AMZ2: variants seen among roughly 807,000 people sequenced by gnomAD.
AMZ2 encodes archaemetzincin-2.
Under a neutral mutation model 36.7 loss-of-function variants are expected in AMZ2, and 26 were observed. The ratio of observed to expected loss-of-function variants is 0.71; its 90% CI spans 0.52 to 0.98. The LOEUF (loss-of-function observed/expected upper bound fraction) is 0.98, where lower values mean the gene tolerates loss of function less well. Ranked by LOEUF, AMZ2 falls within the 50% of genes least tolerant of loss-of-function variation. AMZ2 has a pLI of 0.00. For synonymous variants in AMZ2, 144 were observed against 149.1 expected (o/e 0.97, Z 0.25); for missense variants, 394 against 430.5 (o/e 0.92, Z 0.75).
At chr17:68,221,462 G>A (rs1371296313) in intron 1 of AMZ2, among the ~76,000 whole-genome samples, 11 of 152,136 alleles carry the variant, frequency 7.2e-5, no homozygotes, top group Non-Finnish European at 1.5e-4. Context: ...GGGCACGGTG[G>A]CTCACGCCTG....
intron 1 of AMZ2, among the ~76,000 whole-genome samples, chr17:68,224,015 G>A (rs1257262393): frequency 2.4e-4 from 36 of 151,776 alleles, no homozygotes; most frequent in African/African-American, 6.5e-4. Flanking sequence ...TCAGCCTCCC[G>A]AGTAGCTGGG....
intron 1 of AMZ2, among the ~76,000 whole-genome samples, chr17:68,225,347 C>A (rs549504081): frequency 1.3e-5 from 2 of 152,036 alleles, no homozygotes; most frequent in Non-Finnish European, 2.9e-5. Context: ...AGAAGTTCAG[C>A]CTTATATTAA....
upstream of AMZ2, among the ~76,000 whole-genome samples, chr17:68,243,890 G>A (rs1479614411): frequency 2.0e-5 from 3 of 152,200 alleles, no homozygotes; most frequent in Non-Finnish European, 4.4e-5. Flanking sequence ...ACAGTGAAGG[G>A]CAGAATTGGG....
At position 68,256,947 on chromosome 17, in the gene AMZ2, G is replaced by A. The variant is rs782060328; in HGVS notation, c.1061G>A (p.Cys354Tyr). 6.2e-7 allele frequency: 1 copy of A among 1,613,620 alleles called. No homozygotes were observed. Among genetic ancestry groups the A allele is most frequent in the Non-Finnish European group, 8.5e-7 (1 of 1,179,926 alleles). ...FKEWKEWIIK[C>Y]LAVLQK Reference sequence around the variant, plus strand: ...GAATGGAAAGAGTGGATAATAAAATGCCTGGCTGTTCTCCAAAAATGAGGA... The same window carrying A: ...GAATGGAAAGAGTGGATAATAAAATACCTGGCTGTTCTCCAAAAATGAGGA... Residue 354 changes from cysteine to tyrosine, a missense_variant, in exon 7 of 7, where the codon TGC (cysteine) becomes TAC (tyrosine). Cys to Tyr is a radical substitution (Grantham distance 194, BLOSUM62 -2). Coordinates refer to ENST00000359904, the MANE Select transcript of AMZ2 (RefSeq NM_016627.5).
chr17:68,223,695 A>G (rs1247504503), intron 1 of AMZ2, among the ~76,000 whole-genome samples: 1 of 149,804 alleles, frequency 6.7e-6, no homozygotes, highest in Non-Finnish European at 1.5e-5. Flanking sequence ...GCCTGCCACC[A>G]TGCCTGGCTA....
At chr17:68,231,389 A>G (rs2073660175) in intron 1 of AMZ2, among the ~76,000 whole-genome samples, 1 of 150,682 alleles carries the variant, frequency 6.6e-6, no homozygotes, top group Admixed American at 6.6e-5. Context: ...TTGACCAGAC[A>G]TCACTCTCTG....
intron 1 of AMZ2, among the ~76,000 whole-genome samples, chr17:68,216,128 A>G (rs1255436511): frequency 3.9e-5 from 6 of 152,064 alleles, no homozygotes; most frequent in African/African-American, 9.7e-5. Context: ...TTTAAATTTT[A>G]TTTTACTTTT....
intron 6 of AMZ2, 45 bp from the exon 7 acceptor site, chr17:68,256,769 T>G (rs1333320664): frequency 1.3e-6 from 2 of 1,590,482 alleles, no homozygotes; most frequent in African/African-American, 2.7e-5. Context: ...CCTGATGGTA[T>G]TTTGCTGTGG....
chr17:68,245,974 T>C (rs1208234350), upstream of AMZ2, among the ~76,000 whole-genome samples: 1 of 152,028 alleles, frequency 6.6e-6, no homozygotes, highest in African/African-American at 2.4e-5. Flanking sequence ...ACAGGCACAG[T>C]ATCCAAAGGA....
intron 1 of AMZ2, among the ~76,000 whole-genome samples, chr17:68,216,655 T>C (rs186630086): frequency 1.7e-3 from 266 of 152,364 alleles, no homozygotes; most frequent in African/African-American, 6.0e-3. Flanking sequence ...CAACTTGCAT[T>C]GTTTTAGCTG....
chr17:68,232,029 GA>G (rs782229431), intron 1 of AMZ2, among the ~76,000 whole-genome samples: 2 of 130,566 alleles, frequency 1.5e-5, no homozygotes, highest in African/African-American at 2.9e-5. Context: ...TGGATTAGAA[GA>G]AATATAAAGT....
At chr17:68,245,374 A>G (rs1197993518), upstream of AMZ2, among the ~76,000 whole-genome samples, 33 of 150,328 alleles carry the variant, frequency 2.2e-4, no homozygotes. Flanking sequence ...AGTAGCTGAG[A>G]CTACAGGCAT....
rs1555741559 is a variant in AMZ2, at chr17:68,254,428, G to A, written c.611G>A (p.Arg204Lys). The change falls in exon 5 of 7, where the codon AGG becomes AAG. Residue 204 changes from arginine (R) to lysine (K), a missense_variant. Transcript: ENST00000359904. ...TDGVGIFSFA[R>K]YGSDFYSMHY... ...GGTGTGGGGATATTCAGCTTTGCCAGGTATGGCAGTGATTTTTATAGCATG... is the reference window on the plus strand; with the variant it reads ...GGTGTGGGGATATTCAGCTTTGCCAAGTATGGCAGTGATTTTTATAGCATG... 6.2e-7 allele frequency: 1 copy of A among 1,612,698 alleles called. No homozygotes were observed. Among genetic ancestry groups the A allele is most frequent in the African/African-American group, 1.3e-5 (1 of 74,862 alleles).
At chr17:68,242,139 G>A (rs1555734152) in intron 1 of AMZ2, among the ~76,000 whole-genome samples, 1 of 152,110 alleles carries the variant, frequency 6.6e-6, no homozygotes, top group African/African-American at 2.4e-5. Flanking sequence ...GTATGTTGGT[G>A]TAAGTAAAAT....
chr17:68,229,289 C>T (rs1226809778), intron 1 of AMZ2, among the ~76,000 whole-genome samples: 4 of 152,134 alleles, frequency 2.6e-5, no homozygotes, highest in African/African-American at 9.7e-5. Flanking sequence ...ACAGCCGTGG[C>T]TGAACAGACA....
rs188902034 is a variant in AMZ2 at position 68,224,046 on chromosome 17, C to T, written c.-67+17808C>T. Among the ~76,000 whole-genome samples, 9 of 138,318 alleles carry T rather than the reference C, an allele frequency of 6.5e-5. No homozygotes were observed. In the South Asian group the frequency reaches 2.0e-3, roughly 31 times the overall value. 90.7% of individuals were successfully genotyped at this position (138,318 alleles called of 152,430 possible). A position where few individuals can be genotyped will look rare whatever the true frequency, so the allele number is the denominator to read the frequency against. ...CTGGGACTACAGGCGCCCGCCACCA[C>T]ACCCGGCTAATTTTTTGTATTTTTA... is the stretch of plus-strand genomic sequence containing the variant. On this transcript the variant is annotated intron_variant, in intron 1 of 7. Transcript: ENST00000674770.
chr17:68,217,941 T>C (rs2073243236), intron 1 of AMZ2, among the ~76,000 whole-genome samples: 1 of 151,464 alleles, frequency 6.6e-6, no homozygotes, highest in South Asian at 2.1e-4. Context: ...GCCTCCTGAG[T>C]AGCTGGGACT....
At chr17:68,219,633 G>A (rs1412191908) in intron 1 of AMZ2, among the ~76,000 whole-genome samples, 2 of 152,014 alleles carry the variant, frequency 1.3e-5, no homozygotes, top group African/African-American at 4.8e-5. Context: ...CCAGGTTTAA[G>A]TGATCCTCCC....
chr17:68,220,271 AAACAT>A (rs1243018193), intron 1 of AMZ2, among the ~76,000 whole-genome samples: 2 of 152,224 alleles, frequency 1.3e-5, no homozygotes, highest in Non-Finnish European at 2.9e-5. Context: ...AAAACTTAAT[AAACAT>A]TTAGAGGCAG....
Sources: allele counts gnomAD v4.1 joint callset (sites outside exome capture counted in the v4.1 genomes callset), GRCh38; gene constraint gnomAD v4.1.1; transcripts MANE v1.5; gene names NCBI Gene and HGNC (gene_info 2026-07-23, HGNC 2026-07-21).